CNTN1: variants seen among roughly 807,000 people sequenced by gnomAD.
CNTN1 encodes the protein contactin-1.
A neutral mutation model predicts 126.4 loss-of-function variants in CNTN1; 38 were observed. The observed-to-expected ratio is 0.30, with a 90% confidence interval of 0.23 to 0.39. The LOEUF is 0.39. Ranked by LOEUF, CNTN1 falls within the 10% of genes least tolerant of loss-of-function variation. The probability of loss-of-function intolerance (pLI) is 1.00; values close to 1 mark genes in which losing one functional copy is unlikely to be tolerated. For synonymous variants in CNTN1, 413 were observed against 422.6 expected (o/e 0.98, Z 0.28); for missense variants, 1,009 against 1,248.4 (o/e 0.81, Z 2.89).
At position 41,020,318 on chromosome 12, in the gene CNTN1, T is replaced by C; in HGVS notation, c.2420-19T>C. Reference sequence around the variant, plus strand: ...TGTAAATATCTCACTAATAATATAATGTTCTCATAAAATTTCAGCTCCCAG... The same window carrying C: ...TGTAAATATCTCACTAATAATATAACGTTCTCATAAAATTTCAGCTCCCAG... On this transcript the variant is annotated intron_variant, in intron 19 of 23. Transcript: ENST00000551295. 6.8e-7 allele frequency: 1 copy of C among 1,475,178 alleles called. No homozygotes were observed. Among genetic ancestry groups the C allele is most frequent in the Non-Finnish European group, 9.5e-7 (1 of 1,056,130 alleles). The allele number at this position is 1,475,178 out of a possible 1,614,324, so 91.4% of individuals were successfully genotyped here. A position where few individuals can be genotyped will look rare whatever the true frequency, so the allele number is the denominator to read the frequency against.
At chr12:40,756,734 C>G (rs568544573) in intron 1 of CNTN1, among the ~76,000 whole-genome samples, 1 of 152,134 alleles carries the variant, frequency 6.6e-6, no homozygotes, top group Non-Finnish European at 1.5e-5. Context: ...CAAGAGGCTT[C>G]GCGTCATCAT....
intron 1 of CNTN1, among the ~76,000 whole-genome samples, chr12:40,760,462 G>C (rs1299413857): frequency 6.6e-6 from 1 of 151,600 alleles, no homozygotes; most frequent in Admixed American, 6.6e-5. Context: ...ATTGACAGCA[G>C]TTAATGTTTT....
intron 1 of CNTN1, among the ~76,000 whole-genome samples, chr12:40,801,836 A>G (rs887964232): frequency 1.3e-5 from 2 of 151,742 alleles, no homozygotes; most frequent in Non-Finnish European, 2.9e-5. Context: ...TTCTGATACA[A>G]TATTTGGTGT....
chr12:40,836,262 CATATA>C lies in CNTN1; in HGVS notation c.-76-72090_-76-72086del, dbSNP rs373484948. Among the ~76,000 whole-genome samples the C allele has an allele frequency of 9.2e-4, 135 of 146,532 alleles. 1 individual carries two copies. In the East Asian group the frequency reaches 0.022, roughly 24 times the overall value. ...AATCATATATGTATATATTATAATA[CATATA>C]ATATGTATGTATATATAACACATAT... On this transcript the variant is annotated intron_variant, in intron 1 of 23. Transcript: ENST00000551295.
At chr12:40,759,782 T>A (rs1377012708) in intron 1 of CNTN1, among the ~76,000 whole-genome samples, 1 of 151,472 alleles carries the variant, frequency 6.6e-6, no homozygotes, top group Non-Finnish European at 1.5e-5. Flanking sequence ...ATATTTTTTT[T>A]TTTTTTTTTT....
chr12:40,709,780 G>A (rs573516563), intron 1 of CNTN1, among the ~76,000 whole-genome samples: 1 of 152,130 alleles, frequency 6.6e-6, no homozygotes, highest in East Asian at 1.9e-4. Flanking sequence ...TCTTCTTTTA[G>A]CATTCATACA....
At chr12:40,704,294 A>G (rs769820878) in intron 1 of CNTN1, among the ~76,000 whole-genome samples, 4 of 152,196 alleles carry the variant, frequency 2.6e-5, no homozygotes, top group Admixed American at 6.5e-5. Flanking sequence ...GAAACAGCAT[A>G]TCTAGATCAT....
chr12:40,932,416 A>T (rs185750741), intron 7 of CNTN1, among the ~76,000 whole-genome samples: 12 of 152,134 alleles, frequency 7.9e-5, no homozygotes, highest in Non-Finnish European at 1.2e-4. Flanking sequence ...GTTATGCAGA[A>T]CTGTGAGTCA....
intron 17 of CNTN1, among the ~76,000 whole-genome samples, chr12:41,004,820 G>A (rs762268378): frequency 2.0e-5 from 3 of 152,170 alleles, no homozygotes; most frequent in Non-Finnish European, 4.4e-5. Flanking sequence ...GAGGCTATGA[G>A]TGTCATTGCA....
intron 1 of CNTN1, among the ~76,000 whole-genome samples, chr12:40,837,959 C>A (rs1435492260): frequency 1.3e-5 from 2 of 152,100 alleles, no homozygotes; most frequent in Non-Finnish European, 2.9e-5. Flanking sequence ...CTGAGGATAA[C>A]CCCACCCTCT....
At chr12:40,903,780 C>T (rs1944701003) in intron 1 of CNTN1, among the ~76,000 whole-genome samples, 1 of 152,110 alleles carries the variant, frequency 6.6e-6, no homozygotes, top group African/African-American at 2.4e-5. Flanking sequence ...GAAAAGATAG[C>T]ATGGAATAAC....
chr12:40,769,487 T>C (rs12424317), intron 1 of CNTN1, among the ~76,000 whole-genome samples: 8,199 of 152,218 alleles, frequency 0.054, 299 homozygotes, highest in Admixed American at 0.08. Context: ...ATAAATACAT[T>C]ATAGATTTGG....
At chr12:40,982,462 T>C (rs546644023) in intron 16 of CNTN1, among the ~76,000 whole-genome samples, 1 of 152,286 alleles carries the variant, frequency 6.6e-6, no homozygotes, top group Non-Finnish European at 1.5e-5. Flanking sequence ...ATTGCAATCA[T>C]TTTCATTATT....
chr12:40,944,013 T>C lies in CNTN1; in HGVS notation c.1526T>C (p.Leu509Ser), dbSNP rs973419081. The C allele has an allele frequency of 9.3e-6, 15 of 1,613,416 alleles. No homozygotes were observed. The highest frequency in any genetic ancestry group is 4.0e-5 in the African/African-American group (3 of 74,908). Residue 509 changes from leucine to serine, a missense_variant, in exon 14 of 24, where the codon TTG (leucine) becomes TCG (serine). Coordinates refer to ENST00000551295, the MANE Select transcript of CNTN1 (RefSeq NM_001843.4). Reference protein sequence around the residue: ...LVITDPTRIILAPINADITVG... With the variant: ...LVITDPTRIISAPINADITVG... ...TATATAGATCCTACGCGAATTATAT[T>C]GGCCCCAATTAATGCCGATATCACA...
In CNTN1 at chr12:41,041,083, C is replaced by T. The variant is rs1238190647; in HGVS notation, c.2980+11864C>T. Among the ~76,000 whole-genome samples the T allele has an allele frequency of 2.5e-3, 368 of 148,364 alleles. 6 individuals are homozygous for T. Among genetic ancestry groups the T allele is most frequent in the Admixed American group, 0.022 (326 of 14,728 alleles). ...AGATAGCTCTTATTATTTTGAGATA[C>T]GTCCCATCAATACCTAATTTATTGA... On this transcript the variant is annotated intron_variant, in intron 23 of 23. Coordinates refer to ENST00000551295, the MANE Select transcript of CNTN1 (RefSeq NM_001843.4).
At chr12:40,737,856 A>G (rs1033054210) in intron 1 of CNTN1, among the ~76,000 whole-genome samples, 10 of 152,094 alleles carry the variant, frequency 6.6e-5, no homozygotes, top group African/African-American at 2.4e-4. Context: ...ATCAAAATAA[A>G]AGACTAGCAA....
At chr12:40,699,274 A>C (rs551582021) in intron 1 of CNTN1, among the ~76,000 whole-genome samples, 1 of 152,354 alleles carries the variant, frequency 6.6e-6, no homozygotes, top group East Asian at 1.9e-4. Context: ...TTAAGACTAA[A>C]TTAGTTTTTA....
intron 17 of CNTN1, 107 bp downstream of exon 17, chr12:40,993,376 A>G (rs1272691850): frequency 9.7e-6 from 9 of 927,830 alleles, no homozygotes; most frequent in Non-Finnish European, 1.5e-5. Flanking sequence ...TAAGTGATTC[A>G]TCTGAAAAGC....
Position 41,027,926 on chromosome 12 carries a change from A to C in CNTN1, c.2780A>C (p.His927Pro). ...TCACGCTATATAATCACCTGGGATCATGTCGTTGCACTATCAAATGAATCT... is the reference window on the plus strand; with the variant it reads ...TCACGCTATATAATCACCTGGGATCCTGTCGTTGCACTATCAAATGAATCT... ...SGSRYIITWD[H>P]VVALSNESTV... Residue 927 changes from histidine to proline, a missense_variant, in exon 22 of 24, where the codon CAT becomes CCT. Transcript: ENST00000551295. The C allele has an allele frequency of 1.2e-6, 2 of 1,613,424 alleles. No homozygotes were observed. Among genetic ancestry groups the C allele is most frequent in the Non-Finnish European group, 1.7e-6 (2 of 1,179,366 alleles).
Sources: allele counts gnomAD v4.1 joint callset (sites outside exome capture counted in the v4.1 genomes callset), GRCh38; gene constraint gnomAD v4.1.1; transcripts MANE v1.5; gene names NCBI Gene and HGNC (gene_info 2026-07-23, HGNC 2026-07-21).